The following GRID2IP variants were observed in gnomAD, a reference collection of about 807,000 sequenced individuals.
GRID2IP encodes the protein delphilin.
Under a neutral mutation model 114.3 loss-of-function variants are expected in GRID2IP, and 78 were observed. The observed-to-expected ratio is 0.68, with a 90% CI of 0.57 to 0.82. The LOEUF is 0.82. Ranked by LOEUF, GRID2IP falls within the 40% of genes least tolerant of loss-of-function variation. The probability of loss-of-function intolerance (pLI) is 0.00; values close to 1 mark genes in which losing one functional copy is unlikely to be tolerated. For missense variants in GRID2IP, 1,727 were observed against 1,678.5 expected (o/e 1.03, Z -0.51); for synonymous variants, 809 against 724.0 (o/e 1.12, Z -1.89).
rs767513144 is a variant in GRID2IP at position 6,526,182 on chromosome 7, C to T, written c.919+42G>A. On this transcript the variant is annotated intron_variant, in intron 4 of 21. Coordinates refer to ENST00000457091, the MANE Select transcript of GRID2IP (RefSeq NM_001145118.2). This position sits in a 1 kb window ranked among gnomAD's most constrained non-coding sequence, Gnocchi z 7.6. The stretch of plus-strand genomic sequence containing the variant: ...CCACCACGGGGCCCTTCACCCCATC[C>T]TGGGCCTTAGGGACTCTTAGGGCAA... 50 of 1,498,004 alleles carry T rather than the reference C, an allele frequency of 3.3e-5. No homozygotes were observed. Among genetic ancestry groups the T allele is most frequent in the Non-Finnish European group, 4.3e-5 (47 of 1,098,674 alleles). 92.8% of individuals were successfully genotyped at this position (1,498,004 alleles called of 1,614,324 possible). A position where few individuals can be genotyped will look rare whatever the true frequency, so the allele number is the denominator to read the frequency against.
At chr7:6,527,442 C>T (rs1028609417) in intron 2 of GRID2IP, among the ~76,000 whole-genome samples, 1 of 152,220 alleles carries the variant, frequency 6.6e-6, no homozygotes, top group African/African-American at 2.4e-5. Flanking sequence ...ATTCAGGGAG[C>T]CCCTGCTATC....
Position 6,516,112 on chromosome 7 carries a change from A to AT in GRID2IP, c.1269-1584_1269-1583insA, listed in dbSNP as rs1437164984. 2.8e-4 allele frequency among the ~76,000 whole-genome samples: 22 copies of AT among 78,762 alleles called. No individual in the cohort carries two copies. Among genetic ancestry groups the AT allele is most frequent in the Non-Finnish European group, 4.5e-4 (12 of 26,686 alleles). 51.7% of individuals were successfully genotyped at this position (78,762 alleles called of 152,430 possible). ...ACCCCGTCTCAAAATAATAATAATA[A>AT]AAAATAAATAAATAAATAAATAAAA... On this transcript the variant is annotated intron_variant, in intron 7 of 21. Transcript: ENST00000457091. This position sits in a 1 kb window ranked among gnomAD's most constrained non-coding sequence, Gnocchi z 4.3.
intron 1 of GRID2IP, among the ~76,000 whole-genome samples, chr7:6,544,792 T>A (rs1779863240): frequency 6.6e-6 from 1 of 151,134 alleles, no homozygotes; most frequent in South Asian, 2.1e-4. Flanking sequence ...CTCTAAAAAA[T>A]GAAAGACAGC....
At chr7:6,530,802 C>T (rs1007649012) in intron 2 of GRID2IP, among the ~76,000 whole-genome samples, 1 of 152,232 alleles carries the variant, frequency 6.6e-6, no homozygotes, top group Non-Finnish European at 1.5e-5. Flanking sequence ...GGCTTTCAAT[C>T]CCAGCCTTTT....
In GRID2IP at chr7:6,497,027, T is replaced by G. The variant is rs544150580; in HGVS notation, c.*747A>C. Among the ~76,000 whole-genome samples, 81 of 152,274 alleles carry G rather than the reference T, an allele frequency of 5.3e-4. No individual in the cohort carries two copies. Among genetic ancestry groups the G allele is most frequent in the African/African-American group, 1.8e-3 (76 of 41,548 alleles). Reference sequence around the variant, plus strand: ...CATCACCATCCGTCCAGGTGAGAAGTCTGGCAGTTGGCCACCAGATCCTGC... The same window carrying G: ...CATCACCATCCGTCCAGGTGAGAAGGCTGGCAGTTGGCCACCAGATCCTGC... On this transcript the variant is annotated 3_prime_UTR_variant, in exon 22 of 22. Transcript: ENST00000457091.
At chr7:6,502,944 C>G in intron 17 of GRID2IP, 64 bp downstream of exon 17, 1 of 1,547,190 alleles carries the variant, frequency 6.5e-7, no homozygotes, top group Non-Finnish European at 8.7e-7. Context: ...GGATGGGCCT[C>G]CAGGCTGGAA....
chr7:6,505,171 G>A (rs1202564158), intron 14 of GRID2IP, among the ~76,000 whole-genome samples: 2 of 152,086 alleles, frequency 1.3e-5, no homozygotes, highest in Admixed American at 1.3e-4. Flanking sequence ...AGGGGTGAGG[G>A]CAAGAGAGCC....
rs1167487794 is a variant in GRID2IP at position 6,539,774 on chromosome 7, C to G, written c.528G>C (p.Trp176Cys). Residue 176 changes from tryptophan to cysteine, a missense_variant, in exon 2 of 22, where the codon TGG (tryptophan) becomes TGC (cysteine). Trp to Cys is a radical substitution (Grantham distance 215). Transcript: ENST00000457091. ...AAEQRVDDLVWTLTLALPREA... is the reference protein window; with the variant it reads ...AAEQRVDDLVCTLTLALPREA... The stretch of plus-strand genomic sequence containing the variant: ...CTCGGGGCAGCGCCAGGGTGAGAGT[C>G]CACACCAGATCATCCACCCGCTGCT... 1.3e-6 allele frequency: 2 copies of G among 1,550,454 alleles called. No individual in the cohort carries two copies. Among genetic ancestry groups the G allele is most frequent in the East Asian group, 4.9e-5 (2 of 40,916 alleles).
chr7:6,503,037 T>C lies in GRID2IP; in HGVS notation c.3034A>G (p.Asn1012Asp). ...CLRQASLELKNSRKLAKILEF... is the reference protein window; with the variant it reads ...CLRQASLELKDSRKLAKILEF... ...AGGATCTTGGCGAGCTTCCGACTGT[T>C]TTTGAGCTCCAGGGAGGCCTGGCGC... Residue 1012 changes from asparagine (N) to aspartate (D), a missense_variant, in exon 17 of 22, where the codon AAC becomes GAC. Physicochemically the swap from Asn to Asp is conservative, Grantham distance 23. Transcript: ENST00000457091. The C allele has an allele frequency of 1.3e-6, 2 of 1,551,518 alleles. No homozygotes were observed. The highest frequency in any genetic ancestry group is 1.7e-6 in the Non-Finnish European group (2 of 1,146,976).
chr7:6,515,216 C>T (rs2115064024), intron 7 of GRID2IP, among the ~76,000 whole-genome samples: 1 of 152,326 alleles, frequency 6.6e-6, no homozygotes, highest in East Asian at 1.9e-4. Flanking sequence ...AATCCCAGCA[C>T]TGTGGGAGGC....
chr7:6,547,154 T>C (rs1779900234), intron 1 of GRID2IP, among the ~76,000 whole-genome samples: 1 of 152,124 alleles, frequency 6.6e-6, no homozygotes. Flanking sequence ...TGCTGAGACC[T>C]CGTATGGACA....
chr7:6,498,324 G>C, intron 20 of GRID2IP, 96 bp from the exon 21 acceptor site: 1 of 1,253,766 alleles, frequency 8.0e-7, no homozygotes, highest in South Asian at 1.6e-5. Context: ...CCCTATTCCC[G>C]GTTGGCCTGA....
At chr7:6,527,060 A>G (rs1779528701) in intron 2 of GRID2IP, among the ~76,000 whole-genome samples, 1 of 151,722 alleles carries the variant, frequency 6.6e-6, no homozygotes, top group Non-Finnish European at 1.5e-5. Flanking sequence ...GAGCCCCTCA[A>G]AGCCAGTCCA....
At chr7:6,501,701 C>T (rs1457398620) in intron 20 of GRID2IP, 80 bp downstream of exon 20, 10 of 973,894 alleles carry the variant, frequency 1.0e-5, no homozygotes, top group South Asian at 2.8e-5. Flanking sequence ...AGGTCTCCAG[C>T]GGCCACTGGA....
chr7:6,529,667 C>T (rs1583348379), intron 2 of GRID2IP, among the ~76,000 whole-genome samples: 2 of 152,160 alleles, frequency 1.3e-5, no homozygotes, highest in Admixed American at 1.3e-4. Context: ...TGCCCTAAAT[C>T]GACTGACCCA....
rs1779734538 is a variant in GRID2IP, at chr7:6,536,908, G to T, written c.584+2810C>A. On this transcript the variant is annotated intron_variant, in intron 2 of 21. Transcript: ENST00000457091. This position sits in a 1 kb window ranked among gnomAD's most constrained non-coding sequence, Gnocchi z 5.3. ...CAGAGCCGAGAGCTGCGCCGGGGCTGGGGTGGGCGGGGGGGCGGCGGGGAG... is the reference window on the plus strand; with the variant it reads ...CAGAGCCGAGAGCTGCGCCGGGGCTTGGGTGGGCGGGGGGGCGGCGGGGAG... The T allele has an allele frequency of 4.5e-6, 3 of 663,400 alleles. No individual in the cohort carries two copies. The highest frequency in any genetic ancestry group is 8.2e-6 in the Non-Finnish European group (3 of 366,718). The allele number at this position is 663,400 out of a possible 1,614,324, so 41.1% of individuals were successfully genotyped here.
chr7:6,517,281 T>C (rs13227434), intron 7 of GRID2IP, among the ~76,000 whole-genome samples: 1 of 151,658 alleles, frequency 6.6e-6, no homozygotes, highest in Non-Finnish European at 1.5e-5. Context: ...ATGGTCTCGA[T>C]CTCCTGACCT....
rs373876257 is a variant in GRID2IP, at chr7:6,510,912, G to A, written c.1551C>T (p.Ser517=). ...LRSQGLEAGL[S]CGPSECPEMP... is the part of the protein sequence containing the mutation. ...TCCCCCTGACACCAGCCTTACCGCA[G>A]CTGAGGCCGGCCTCCAGGCCCTGGG... Residue 517 remains serine (S), a synonymous_variant, in exon 9 of 22, where the codon AGC becomes AGT. Coordinates refer to ENST00000457091, the MANE Select transcript of GRID2IP (RefSeq NM_001145118.2). 3.7e-5 allele frequency: 57 copies of A among 1,549,956 alleles called. No individual in the cohort carries two copies. In the African/African-American group the frequency reaches 7.7e-4, roughly 21 times the overall value.
intron 1 of GRID2IP, among the ~76,000 whole-genome samples, chr7:6,549,336 A>G (rs1779932685): frequency 1.3e-5 from 2 of 152,130 alleles, no homozygotes; most frequent in African/African-American, 4.8e-5. Context: ...GCCACACCCT[A>G]CTTCCTGCAG....
Sources: gnomAD v4.1 joint callset for allele counts (sites outside exome capture counted in the v4.1 genomes callset) on GRCh38, gnomAD v4.1.1 for gene constraint, Gnocchi (gnomAD v3.1) non-coding constraint, MANE v1.5 for transcripts, NCBI Gene and HGNC (gene_info 2026-07-23, HGNC 2026-07-21) for gene names.